The following PTCHD4 variants were observed in gnomAD, a reference collection of about 807,000 sequenced individuals.
PTCHD4 encodes patched domain-containing protein 4.
In PTCHD4, 33 loss-of-function variants were observed where a neutral mutation model predicts 58.1. The observed-to-expected ratio is 0.57, with a 90% confidence interval of 0.43 to 0.76. The LOEUF (loss-of-function observed/expected upper bound fraction) is 0.76. Ranked by LOEUF, PTCHD4 falls within the 30% of genes least tolerant of loss-of-function variation. The probability of loss-of-function intolerance (pLI) is 0.00; values close to 1 mark genes in which losing one functional copy is unlikely to be tolerated. For missense variants in PTCHD4, 1,058 were observed against 1,027.1 expected (o/e 1.03, Z -0.41); for synonymous variants, 478 against 409.6 (o/e 1.17, Z -2.02).
chr6:48,055,581 T>G (rs951115705), intron 3 of PTCHD4, among the ~76,000 whole-genome samples: 1 of 152,194 alleles, frequency 6.6e-6, no homozygotes, highest in Non-Finnish European at 1.5e-5. Context: ...AAGAATCCAA[T>G]TCCTTAAAAA....
intron 1 of PTCHD4, among the ~76,000 whole-genome samples, chr6:48,109,655 T>C (rs966261540): frequency 6.6e-6 from 1 of 152,044 alleles, no homozygotes; most frequent in South Asian, 2.1e-4. Flanking sequence ...AAGCTATATA[T>C]CTGATAAGGG....
At chr6:48,070,239 T>G (rs1046419269) in intron 1 of PTCHD4, among the ~76,000 whole-genome samples, 1 of 152,124 alleles carries the variant, frequency 6.6e-6, no homozygotes, top group Admixed American at 6.6e-5. Flanking sequence ...TCTGTTCTTT[T>G]TGGAATGACT....
rs2114052849 is a variant in PTCHD4 at position 47,858,785 on chromosome 6, T to A, written c.*19518A>T. On this transcript the variant is annotated 3_prime_UTR_variant, in exon 5 of 5. Transcript: ENST00000339488. ...TCCATACAAATGAAAATTTAGAAGG[T>A]GAGAAATTTCTATCAGAAAGGAAAA... Among the ~76,000 whole-genome samples the A allele has an allele frequency of 6.6e-6, 1 of 152,136 alleles. No homozygotes were observed. The highest frequency in any genetic ancestry group is 1.5e-5 in the Non-Finnish European group (1 of 67,962).
At chr6:47,992,449 G>T (rs1373693272) in intron 4 of PTCHD4, among the ~76,000 whole-genome samples, 2 of 152,144 alleles carry the variant, frequency 1.3e-5, no homozygotes, top group Non-Finnish European at 2.9e-5. Context: ...AAGAAAACGT[G>T]CTCAGGAGGT....
chr6:47,927,043 G>A (rs1000667541), intron 4 of PTCHD4, among the ~76,000 whole-genome samples: 2 of 151,952 alleles, frequency 1.3e-5, no homozygotes, highest in Admixed American at 1.3e-4. Flanking sequence ...TTGCCTCCAG[G>A]GAAGAGGCTG....
chr6:47,864,212 T>C lies in PTCHD4; in HGVS notation c.*14091A>G, dbSNP rs1050180150. On this transcript the variant is annotated 3_prime_UTR_variant, in exon 5 of 5. Transcript: ENST00000339488. ...ATCAGAACCTCTGGAGATGGGGATA[T>C]GCAGGCTGTGCTTTGACAAGCCCTC... is the stretch of plus-strand genomic sequence containing the variant. Among the ~76,000 whole-genome samples, 6 of 151,882 alleles carry C rather than the reference T, an allele frequency of 4.0e-5. No individual in the cohort carries two copies. The highest frequency in any genetic ancestry group is 1.4e-4 in the African/African-American group (6 of 41,394).
chr6:47,994,777 G>A (rs181155853), intron 4 of PTCHD4, among the ~76,000 whole-genome samples: 8 of 152,324 alleles, frequency 5.3e-5, no homozygotes, highest in African/African-American at 1.4e-4. Flanking sequence ...AAACACAGCA[G>A]TGCTGAGCTG....
At chr6:48,053,790 C>G (rs1764315253) in intron 3 of PTCHD4, among the ~76,000 whole-genome samples, 1 of 151,994 alleles carries the variant, frequency 6.6e-6, no homozygotes, top group East Asian at 1.9e-4. Flanking sequence ...TAGGGAAGTA[C>G]AGGAAAGGAT....
chr6:47,882,741 G>GAGATTATATATATATATATATATAT (rs143060584), intron 4 of PTCHD4, among the ~76,000 whole-genome samples: 1 of 102,374 alleles, frequency 9.8e-6, no homozygotes, highest in East Asian at 3.4e-4. Context: ...TGATTCCAGT[G>GAGATTATATATATATATATATATAT]ATATATATAT....
chr6:47,918,600 G>T (rs1765333026), intron 4 of PTCHD4, among the ~76,000 whole-genome samples: 1 of 152,088 alleles, frequency 6.6e-6, no homozygotes, highest in South Asian at 2.1e-4. Flanking sequence ...TGTTCCAAAT[G>T]CTGTAGCGGT....
At chr6:47,967,223 A>G (rs528688634) in intron 4 of PTCHD4, among the ~76,000 whole-genome samples, 1 of 152,358 alleles carries the variant, frequency 6.6e-6, no homozygotes, top group East Asian at 1.9e-4. Flanking sequence ...CATCTCCATT[A>G]GAGCTCTTGG....
intron 3 of PTCHD4, among the ~76,000 whole-genome samples, chr6:48,015,579 C>T (rs1762840005): frequency 6.6e-6 from 1 of 151,884 alleles, no homozygotes; most frequent in African/African-American, 2.4e-5. Flanking sequence ...CTTTCTTCTG[C>T]CAAGACTACT....
intron 4 of PTCHD4, among the ~76,000 whole-genome samples, chr6:47,957,582 T>A (rs955104398): frequency 5.3e-5 from 8 of 150,812 alleles, no homozygotes; most frequent in African/African-American, 1.9e-4. Context: ...AGTTTTTTTT[T>A]TTATTTTTTT....
chr6:47,937,441 A>G (rs1766044724), intron 4 of PTCHD4, among the ~76,000 whole-genome samples: 2 of 152,170 alleles, frequency 1.3e-5, no homozygotes, highest in South Asian at 4.1e-4. Context: ...ATTATTCCAT[A>G]TTTTTGGTTA....
intron 4 of PTCHD4, among the ~76,000 whole-genome samples, chr6:47,888,501 T>C (rs902990112): frequency 6.6e-6 from 1 of 152,176 alleles, no homozygotes; most frequent in Non-Finnish European, 1.5e-5. Flanking sequence ...TAAAACTTAG[T>C]AGCAGATTCT....
chr6:48,084,806 C>T (rs567516350), intron 1 of PTCHD4, among the ~76,000 whole-genome samples: 1 of 150,132 alleles, frequency 6.7e-6, no homozygotes, highest in East Asian at 2.0e-4. Context: ...TGCAGTGGCA[C>T]GATCTCAGCT....
intron 4 of PTCHD4, among the ~76,000 whole-genome samples, chr6:47,904,848 G>C (rs938843637): frequency 6.6e-6 from 1 of 152,096 alleles, no homozygotes; most frequent in Non-Finnish European, 1.5e-5. Flanking sequence ...TAAATGCTAT[G>C]AAGAAAAGGC....
intron 4 of PTCHD4, among the ~76,000 whole-genome samples, chr6:47,984,411 A>G (rs1202058566): frequency 6.6e-6 from 1 of 152,082 alleles, no homozygotes; most frequent in African/African-American, 2.4e-5. Context: ...AGATCTCATG[A>G]GAACTCAATC....
chr6:47,941,903 G>A (rs1030255291), intron 4 of PTCHD4, among the ~76,000 whole-genome samples: 7 of 152,118 alleles, frequency 4.6e-5, no homozygotes, highest in African/African-American at 1.2e-4. Flanking sequence ...AAGAAAATCA[G>A]TGTCAAACTA....
Sources: gnomAD v4.1 joint callset for allele counts (sites outside exome capture counted in the v4.1 genomes callset) on GRCh38, gnomAD v4.1.1 for gene constraint, MANE v1.5 for transcripts, NCBI Gene and HGNC (gene_info 2026-07-23, HGNC 2026-07-21) for gene names.